TMEM163: variants seen among roughly 807,000 people sequenced by gnomAD.
TMEM163 encodes the protein transmembrane protein 163.
A neutral mutation model predicts 29.3 loss-of-function variants in TMEM163; 17 were observed. The observed-to-expected ratio is 0.58, with a 90% CI of 0.40 to 0.87. The LOEUF (loss-of-function observed/expected upper bound fraction) is 0.87, where lower values mean the gene tolerates loss of function less well. TMEM163 is among the 40% of genes least tolerant of loss of function. The pLI is 0.00. For missense variants in TMEM163, 303 were observed against 381.5 expected, an observed-to-expected ratio of 0.79 and a Z score of 1.71; for synonymous variants, 157 against 160.6, an observed-to-expected ratio of 0.98 and a Z score of 0.17.
chr2:134,537,251 G>C (rs1326202232), intron 4 of TMEM163, among the ~76,000 whole-genome samples: 2 of 152,218 alleles, frequency 1.3e-5, no homozygotes, highest in Non-Finnish European at 2.9e-5. Context: ...AAACCACATG[G>C]ACACTGTCAG....
Position 134,617,979 on chromosome 2 carries a change from T to A in TMEM163, c.323-65888A>T, listed in dbSNP as rs1291073478. On this transcript the variant is annotated intron_variant, in intron 2 of 7. Transcript: ENST00000281924. ...ATTTTTTTTCATTAGCCAGGCATAG[T>A]GGCATGCATCTGTGGTCCTAGCTGC... Among the ~76,000 whole-genome samples, 72 of 151,994 alleles carry A rather than the reference T, an allele frequency of 4.7e-4. 1 individual carries two copies. Among genetic ancestry groups the A allele is most frequent in the Non-Finnish European group, 1.3e-4 (9 of 68,022 alleles).
At chr2:134,705,079 A>G (rs1684779282) in intron 2 of TMEM163, among the ~76,000 whole-genome samples, 1 of 151,964 alleles carries the variant, frequency 6.6e-6, no homozygotes. Context: ...GCATGGTGGC[A>G]TGTGCCTGTA....
intron 2 of TMEM163, among the ~76,000 whole-genome samples, chr2:134,574,086 A>G (rs1377663153): frequency 6.6e-6 from 1 of 152,244 alleles, no homozygotes; most frequent in African/African-American, 2.4e-5. Context: ...AACACTGGGA[A>G]ATCAAGATAG....
At chr2:134,507,588 G>A (rs986651368) in intron 4 of TMEM163, among the ~76,000 whole-genome samples, 14 of 152,138 alleles carry the variant, frequency 9.2e-5, no homozygotes, top group Admixed American at 3.9e-4. Context: ...TGAATAGGCC[G>A]GGTGTGGTGG....
chr2:134,568,459 G>A (rs1337798550), intron 2 of TMEM163, among the ~76,000 whole-genome samples: 4 of 151,894 alleles, frequency 2.6e-5, no homozygotes, highest in Non-Finnish European at 5.9e-5. Flanking sequence ...CCCGGGAGGT[G>A]GAGGTTGCAG....
At chr2:134,624,804 G>A (rs1325993721) in intron 2 of TMEM163, among the ~76,000 whole-genome samples, 4 of 152,074 alleles carry the variant, frequency 2.6e-5, no homozygotes, top group Non-Finnish European at 5.9e-5. Context: ...AGCTACTCAG[G>A]AGGCTGAGGC....
chr2:134,617,687 C>T (rs1297399548), intron 2 of TMEM163, among the ~76,000 whole-genome samples: 2 of 146,286 alleles, frequency 1.4e-5, no homozygotes, highest in Non-Finnish European at 3.0e-5. Context: ...TAAACGGGAA[C>T]AACAAAAAAA....
At chr2:134,692,918 C>T (rs1343411017) in intron 2 of TMEM163, among the ~76,000 whole-genome samples, 1 of 152,218 alleles carries the variant, frequency 6.6e-6, no homozygotes, top group Admixed American at 6.5e-5. Context: ...CACATTGCCT[C>T]AGTCATTGCC....
chr2:134,699,997 A>G (rs961467094), intron 2 of TMEM163, among the ~76,000 whole-genome samples: 1 of 152,032 alleles, frequency 6.6e-6, no homozygotes, highest in Non-Finnish European at 1.5e-5. Flanking sequence ...CTGTGGTCTT[A>G]CGTTTTAAAT....
At chr2:134,676,543 A>G (rs777827530) in intron 2 of TMEM163, among the ~76,000 whole-genome samples, 8 of 152,160 alleles carry the variant, frequency 5.3e-5, no homozygotes, top group African/African-American at 9.6e-5. Flanking sequence ...CCAGTGTACA[A>G]TTCAATGGTT....
intron 2 of TMEM163, among the ~76,000 whole-genome samples, chr2:134,577,806 CAT>C (rs1681595568): frequency 1.4e-5 from 2 of 145,722 alleles, no homozygotes; most frequent in South Asian, 4.4e-4. Context: ...AGATCGAAAA[CAT>C]GTGGGGGGGA....
At chr2:134,650,878 A>AT (rs1351943705) in intron 2 of TMEM163, among the ~76,000 whole-genome samples, 3 of 134,124 alleles carry the variant, frequency 2.2e-5, no homozygotes, top group African/African-American at 1.0e-4. Context: ...CGAACTCATC[A>AT]TTTTTTATGG....
chr2:134,466,402 A>G (rs1217348033), intron 5 of TMEM163, 177 bp from the exon 6 acceptor site: 1 of 571,060 alleles, frequency 1.8e-6, no homozygotes, highest in Non-Finnish European at 3.1e-6. Context: ...GGAATTGGAA[A>G]AGATGCTCAA....
At chr2:134,539,822 C>T (rs1340262158) in intron 4 of TMEM163, among the ~76,000 whole-genome samples, 1 of 152,150 alleles carries the variant, frequency 6.6e-6, no homozygotes, top group Non-Finnish European at 1.5e-5. Context: ...AAAACAAGCC[C>T]GCAGAGATTT....
Position 134,539,237 on chromosome 2 carries a change from T to C in TMEM163, c.458+11333A>G, listed in dbSNP as rs373521062. Among the ~76,000 whole-genome samples, 10 of 152,264 alleles carry C rather than the reference T, an allele frequency of 6.6e-5. No homozygotes were observed. The South Asian group carries it at 1.2e-3, about 19-fold the overall frequency. ...CAAGCTGAATCATGCTACAGAAAGA[T>C]GCTGGTAAAACCCACACTGACTGAA... is the stretch of plus-strand genomic sequence containing the variant. On this transcript the variant is annotated intron_variant, in intron 4 of 7. Coordinates refer to ENST00000281924, the MANE Select transcript of TMEM163 (RefSeq NM_030923.5).
intron 2 of TMEM163, among the ~76,000 whole-genome samples, chr2:134,585,689 T>C (rs186222794): frequency 0.011 from 1,721 of 149,782 alleles, 7 homozygotes; most frequent in African/African-American, 0.013. Flanking sequence ...TTGCAGTGAG[T>C]CTAGATCGCG....
At chr2:134,541,628 C>CA (rs1680670217) in intron 4 of TMEM163, among the ~76,000 whole-genome samples, 2 of 152,202 alleles carry the variant, frequency 1.3e-5, no homozygotes, top group South Asian at 2.1e-4. Flanking sequence ...GCACAGCTAT[C>CA]AAAAAATAAC....
intron 4 of TMEM163, among the ~76,000 whole-genome samples, chr2:134,539,748 G>A (rs1296773335): frequency 3.9e-5 from 6 of 152,106 alleles, no homozygotes; most frequent in Non-Finnish European, 7.3e-5. Flanking sequence ...GACAAAATCC[G>A]GAGACAGAAA....
At chr2:134,710,532 G>GC (rs948138162) in intron 2 of TMEM163, among the ~76,000 whole-genome samples, 1 of 151,670 alleles carries the variant, frequency 6.6e-6, no homozygotes, top group Non-Finnish European at 1.5e-5. Flanking sequence ...TGACCCAACT[G>GC]CCCCCCAAAA....
Sources: gnomAD v4.1 joint callset for allele counts (sites outside exome capture counted in the v4.1 genomes callset) on GRCh38, gnomAD v4.1.1 for gene constraint, MANE v1.5 for transcripts, NCBI Gene and HGNC (gene_info 2026-07-23, HGNC 2026-07-21) for gene names.